GRID1: variants seen among roughly 807,000 people sequenced by gnomAD.
The protein encoded by GRID1 is glutamate ionotropic receptor delta type subunit 1, also known as glutamate receptor ionotropic, delta-1.
In GRID1, 28 loss-of-function variants were observed where a neutral mutation model predicts 98.0. The ratio of observed to expected loss-of-function variants is 0.29; its 90% confidence interval spans 0.21 to 0.39. The LOEUF is 0.39. Among genes scored for constraint, GRID1 ranks in the 10% least tolerant of loss-of-function variants. The pLI is 1.00. For synonymous variants in GRID1, 553 were observed against 538.5 expected, an observed-to-expected ratio of 1.03 and a Z score of -0.37; for missense variants, 1,111 against 1,340.5, an observed-to-expected ratio of 0.83 and a Z score of 2.67.
chr10:86,354,054 T>A (rs1848499929), intron 2 of GRID1, among the ~76,000 whole-genome samples: 1 of 152,022 alleles, frequency 6.6e-6, no homozygotes. Flanking sequence ...GGCACTCAGA[T>A]GAAAAGGCAG....
intron 2 of GRID1, among the ~76,000 whole-genome samples, chr10:86,238,431 G>A (rs1349144524): frequency 6.6e-6 from 1 of 152,186 alleles, no homozygotes; most frequent in Non-Finnish European, 1.5e-5. Flanking sequence ...GGAGGCTGAG[G>A]CAGGCAGATC....
chr10:85,839,068 A>C (rs1842938233), intron 8 of GRID1, among the ~76,000 whole-genome samples: 1 of 152,252 alleles, frequency 6.6e-6, no homozygotes, highest in Non-Finnish European at 1.5e-5. Flanking sequence ...ATAATGGTAA[A>C]GTGTTCAATT....
chr10:86,112,210 C>T (rs1844498703), intron 4 of GRID1, among the ~76,000 whole-genome samples: 1 of 152,182 alleles, frequency 6.6e-6, no homozygotes, highest in Admixed American at 6.5e-5. Flanking sequence ...CCAGGCCAGC[C>T]AGGAGCAGGC....
intron 4 of GRID1, among the ~76,000 whole-genome samples, chr10:86,080,022 T>A (rs909046789): frequency 2.0e-5 from 3 of 152,054 alleles, no homozygotes; most frequent in Non-Finnish European, 4.4e-5. Flanking sequence ...GTGACCACCA[T>A]GGCCGAAGGC....
At chr10:86,104,157 C>G (rs1475139930) in intron 4 of GRID1, among the ~76,000 whole-genome samples, 2 of 152,190 alleles carry the variant, frequency 1.3e-5, no homozygotes, top group East Asian at 3.9e-4. Context: ...CAAGAACAGG[C>G]TTGGAGACAT....
In GRID1 at chr10:85,991,623, A is replaced by G. The variant is rs570727831; in HGVS notation, c.727-75384T>C. ...TGGGCTGATGCTGATATCATAGACCAAAGAAGCAAATGTGTCAGGAGGCAG... is the reference window on the plus strand; with the variant it reads ...TGGGCTGATGCTGATATCATAGACCGAAGAAGCAAATGTGTCAGGAGGCAG... On this transcript the variant is annotated intron_variant, in intron 4 of 15. Transcript: ENST00000327946. 2.0e-5 allele frequency among the ~76,000 whole-genome samples: 3 copies of G among 152,352 alleles called. No homozygotes were observed. In the South Asian group the frequency reaches 6.2e-4, roughly 32 times the overall value.
chr10:85,959,882 T>A (rs958791359), intron 4 of GRID1, among the ~76,000 whole-genome samples: 4 of 152,102 alleles, frequency 2.6e-5, no homozygotes, highest in Admixed American at 2.6e-4. Context: ...TCATTTCTTT[T>A]GGGTAATTTT....
At chr10:85,748,652 T>C (rs146269962) in intron 8 of GRID1, among the ~76,000 whole-genome samples, 245 of 152,278 alleles carry the variant, frequency 1.6e-3, no homozygotes, top group African/African-American at 5.0e-3. Flanking sequence ...TTAACATTGA[T>C]AGCAGGTCCT....
chr10:86,073,140 C>T (rs1843827989), intron 4 of GRID1, among the ~76,000 whole-genome samples: 1 of 152,152 alleles, frequency 6.6e-6, no homozygotes, highest in East Asian at 1.9e-4. Flanking sequence ...GCATTAACAC[C>T]CCCAGATATT....
chr10:85,704,099 G>A (rs961282748), intron 12 of GRID1, among the ~76,000 whole-genome samples: 13 of 152,082 alleles, frequency 8.5e-5, no homozygotes, highest in African/African-American at 3.1e-4. Context: ...ATAATGACAG[G>A]ATCAAATTCA....
intron 2 of GRID1, among the ~76,000 whole-genome samples, chr10:86,215,218 C>G (rs1420304636): frequency 6.6e-6 from 1 of 152,110 alleles, no homozygotes; most frequent in East Asian, 1.9e-4. Flanking sequence ...CTCAGCCTAG[C>G]CCAGAGAGGC....
chr10:85,981,874 G>A (rs1217456972), intron 4 of GRID1, among the ~76,000 whole-genome samples: 5 of 152,180 alleles, frequency 3.3e-5, no homozygotes, highest in Admixed American at 1.3e-4. Flanking sequence ...GAAGTCAGGC[G>A]GGAGAGGGAC....
In GRID1 at chr10:86,207,001, G is replaced by A. The variant is rs547779477; in HGVS notation, c.236-353C>T. On this transcript the variant is annotated intron_variant, in intron 2 of 15. Transcript: ENST00000327946. ...ACTGAGCTGTAAAATTAGCCATCCTGTTTCCCACCTAGGACTATAAGCCCT... is the reference window on the plus strand; with the variant it reads ...ACTGAGCTGTAAAATTAGCCATCCTATTTCCCACCTAGGACTATAAGCCCT... Among the ~76,000 whole-genome samples the A allele has an allele frequency of 3.3e-5, 5 of 152,304 alleles. No individual in the cohort carries two copies. In the South Asian group the frequency reaches 1.0e-3, roughly 32 times the overall value.
At chr10:85,811,630 G>C (rs1306583688) in intron 8 of GRID1, among the ~76,000 whole-genome samples, 9 of 152,008 alleles carry the variant, frequency 5.9e-5, no homozygotes, top group Non-Finnish European at 1.2e-4. Context: ...TAAACTTCAA[G>C]ACAGATCTTT....
chr10:85,673,519 T>C (rs1344969433), intron 12 of GRID1, among the ~76,000 whole-genome samples: 1 of 152,176 alleles, frequency 6.6e-6, no homozygotes, highest in South Asian at 2.1e-4. Context: ...CAGCCACTCC[T>C]ACCTTTAGCA....
intron 13 of GRID1, among the ~76,000 whole-genome samples, chr10:85,637,986 G>A (rs888499940): frequency 6.6e-6 from 1 of 152,066 alleles, no homozygotes; most frequent in Admixed American, 6.6e-5. Context: ...TTCACAGGGT[G>A]GGGTTAAAAC....
chr10:85,866,541 G>T (rs1031866102), intron 6 of GRID1, among the ~76,000 whole-genome samples: 1 of 151,790 alleles, frequency 6.6e-6, no homozygotes, highest in African/African-American at 2.4e-5. Context: ...ACCCCAATGG[G>T]CACTTTTTTT....
chr10:85,701,381 G>GA (rs34546552), intron 12 of GRID1, among the ~76,000 whole-genome samples: 11 of 149,128 alleles, frequency 7.4e-5, no homozygotes, highest in East Asian at 5.9e-4. Context: ...TGGACGCCAA[G>GA]AAAAAAAAAA....
At chr10:85,626,840 G>A (rs1157593265) in intron 13 of GRID1, among the ~76,000 whole-genome samples, 1 of 152,192 alleles carries the variant, frequency 6.6e-6, no homozygotes, top group Non-Finnish European at 1.5e-5. Context: ...TTTTGCAATC[G>A]GCTGGTGGGA....
Sources: gnomAD v4.1 joint callset for allele counts (sites outside exome capture counted in the v4.1 genomes callset) on GRCh38, gnomAD v4.1.1 for gene constraint, MANE v1.5 for transcripts, NCBI Gene and HGNC (gene_info 2026-07-23, HGNC 2026-07-21) for gene names.